WDR72: variants seen among roughly 807,000 people sequenced by gnomAD.
WDR72 encodes WD repeat-containing protein 72.
A neutral mutation model predicts 124.2 loss-of-function variants in WDR72; 120 were observed. The ratio of observed to expected loss-of-function variants is 0.97; its 90% CI spans 0.83 to 1.12. The LOEUF is 1.12. Among genes scored for constraint, WDR72 ranks in the 50% most tolerant of loss-of-function variants. The pLI is 0.00. For synonymous variants in WDR72, 452 were observed against 441.7 expected, an observed-to-expected ratio of 1.02 and a Z score of -0.29; for missense variants, 1,387 against 1,278.8, an observed-to-expected ratio of 1.08 and a Z score of -1.29.
chr15:53,752,642 G>A (rs994398956), intron 1 of WDR72, among the ~76,000 whole-genome samples: 1 of 152,212 alleles, frequency 6.6e-6, no homozygotes, highest in Non-Finnish European at 1.5e-5. Flanking sequence ...CATTTCTGTT[G>A]TGTAAGTCAC....
Position 53,709,997 on chromosome 15 carries a change from G to C in WDR72, c.954+860C>G, listed in dbSNP as rs143703361. ...AATTAACTGATGACAAAGTCCAAAGGCTCAGGGAAAAGAAACACTTTGGAT... is the reference window on the plus strand; with the variant it reads ...AATTAACTGATGACAAAGTCCAAAGCCTCAGGGAAAAGAAACACTTTGGAT... On this transcript the variant is annotated intron_variant, in intron 9 of 19. Transcript: ENST00000360509. 2.0e-3 allele frequency among the ~76,000 whole-genome samples: 307 copies of C among 152,222 alleles called. 3 individuals carry two copies. The highest frequency in any genetic ancestry group is 7.1e-3 in the African/African-American group (296 of 41,536).
chr15:53,615,270 G>C (rs1261335311), intron 15 of WDR72, among the ~76,000 whole-genome samples, 156 bp downstream of exon 15: 2 of 151,934 alleles, frequency 1.3e-5, no homozygotes, highest in South Asian at 4.1e-4. Flanking sequence ...AATTAAAAGG[G>C]AGATTTTCTT....
intron 16 of WDR72, 64 bp downstream of exon 16, chr15:53,613,602 G>T: frequency 2.0e-6 from 2 of 1,012,630 alleles, no homozygotes; most frequent in Non-Finnish European, 3.1e-6. Flanking sequence ...GTTATAGAAA[G>T]ACTAGTTATG....
chr15:53,704,843 T>C (rs2017300558), intron 11 of WDR72, 145 bp downstream of exon 11: 1 of 917,144 alleles, frequency 1.1e-6, no homozygotes, highest in Non-Finnish European at 1.6e-6. Flanking sequence ...CCTATATGTA[T>C]GTTTTACTTT....
At chr15:53,634,543 T>TTGTTTTGGGCCCCATTCAAAGC (rs1471351466) in intron 14 of WDR72, among the ~76,000 whole-genome samples, 1 of 152,196 alleles carries the variant, frequency 6.6e-6, no homozygotes, top group Non-Finnish European at 1.5e-5. Context: ...GTCTACAAAT[T>TTGTTTTGGGCCCCATTCAAAGC]TGTTTTGGGC....
intron 14 of WDR72, among the ~76,000 whole-genome samples, chr15:53,655,438 T>A (rs558172059): frequency 6.6e-6 from 1 of 152,212 alleles, no homozygotes; most frequent in African/African-American, 2.4e-5. Flanking sequence ...AACTGTCAAA[T>A]AATTTTCTCA....
chr15:53,674,881 C>T (rs777758630), intron 13 of WDR72, among the ~76,000 whole-genome samples: 25 of 151,024 alleles, frequency 1.7e-4, no homozygotes, highest in Non-Finnish European at 3.5e-4. Context: ...ACCCTCACGT[C>T]TAATTCTGAC....
At chr15:53,607,893 G>T (rs1359951279) in intron 17 of WDR72, among the ~76,000 whole-genome samples, 1 of 152,000 alleles carries the variant, frequency 6.6e-6, no homozygotes, top group Admixed American at 6.6e-5. Context: ...AGAATAAACA[G>T]GCATATGCAA....
chr15:53,743,392 T>G (rs1339156066), intron 1 of WDR72, among the ~76,000 whole-genome samples: 1 of 152,156 alleles, frequency 6.6e-6, no homozygotes, highest in Non-Finnish European at 1.5e-5. Context: ...GATTGAAATT[T>G]AGGTATATAT....
At chr15:53,689,419 A>G (rs1163052076) in intron 13 of WDR72, among the ~76,000 whole-genome samples, 1 of 149,732 alleles carries the variant, frequency 6.7e-6, no homozygotes, top group African/African-American at 2.5e-5. Flanking sequence ...ATGAACAGAC[A>G]CTTCTCAAAA....
At chr15:53,665,459 CTCTTAGTTCTTGTTT>C in intron 14 of WDR72, 98 bp downstream of exon 14, 1 of 1,175,814 alleles carries the variant, frequency 8.5e-7, no homozygotes, top group East Asian at 2.4e-5. Flanking sequence ...ATGCAGCAGT[CTCTTAGTTCTTGTTT>C]TCATGCTGAT....
intron 14 of WDR72, among the ~76,000 whole-genome samples, chr15:53,658,651 A>C (rs969607766): frequency 6.6e-6 from 1 of 152,310 alleles, no homozygotes; most frequent in Middle Eastern, 3.4e-3. Flanking sequence ...ATAGGCACAC[A>C]ATTTTGTGTC....
intron 1 of WDR72, among the ~76,000 whole-genome samples, chr15:53,744,485 T>C (rs1381304350): frequency 6.6e-6 from 1 of 152,164 alleles, no homozygotes; most frequent in African/African-American, 2.4e-5. Context: ...TGTTCTGCTT[T>C]AAAGTGAAAA....
chr15:53,545,194 C>T (rs1010020406), intron 18 of WDR72, among the ~76,000 whole-genome samples: 3 of 151,458 alleles, frequency 2.0e-5, no homozygotes, highest in African/African-American at 7.3e-5. Flanking sequence ...AAAAAGAGCC[C>T]GCATCGCCAC....
At chr15:53,659,350 C>A (rs930395369) in intron 14 of WDR72, among the ~76,000 whole-genome samples, 8 of 152,098 alleles carry the variant, frequency 5.3e-5, no homozygotes, top group Admixed American at 2.6e-4. Context: ...CACTCCCCAC[C>A]GGCACGTGCT....
At chr15:53,555,118 G>A (rs1439003581) in intron 18 of WDR72, among the ~76,000 whole-genome samples, 1 of 151,964 alleles carries the variant, frequency 6.6e-6, no homozygotes, top group Non-Finnish European at 1.5e-5. Context: ...ATCTGAGATG[G>A]AGAAGCAAAG....
chr15:53,645,966 C>T (rs2015026518), intron 14 of WDR72, among the ~76,000 whole-genome samples: 1 of 152,088 alleles, frequency 6.6e-6, no homozygotes, highest in Non-Finnish European at 1.5e-5. Context: ...TACCTTTAAA[C>T]AAGAGGCATG....
At chr15:53,558,162 T>C (rs1199771065) in intron 18 of WDR72, among the ~76,000 whole-genome samples, 1 of 152,102 alleles carries the variant, frequency 6.6e-6, no homozygotes, top group Non-Finnish European at 1.5e-5. Flanking sequence ...TTGCTCATTC[T>C]ATAGTAGGAA....
intron 1 of WDR72, among the ~76,000 whole-genome samples, chr15:53,742,569 A>T (rs1211958090): frequency 6.6e-6 from 1 of 152,160 alleles, no homozygotes; most frequent in African/African-American, 2.4e-5. Context: ...TTTAAAGGCA[A>T]TTCAAAATAA....
Sources: gnomAD v4.1 joint callset for allele counts (sites outside exome capture counted in the v4.1 genomes callset) on GRCh38, gnomAD v4.1.1 for gene constraint, MANE v1.5 for transcripts, NCBI Gene and HGNC (gene_info 2026-07-23, HGNC 2026-07-21) for gene names.